FZR1: variants seen among roughly 807,000 people sequenced by gnomAD.
FZR1 encodes fizzy and cell division cycle 20 related 1.
FZR1 carries 11 observed loss-of-function variants against 63.6 expected under a neutral mutation model. The ratio of observed to expected loss-of-function variants is 0.17; its 90% CI spans 0.11 to 0.29. FZR1 has a LOEUF of 0.29. Among genes scored for constraint, FZR1 ranks in the 10% least tolerant of loss-of-function variants. FZR1 has a pLI of 1.00. For missense variants in FZR1, 440 were observed against 687.5 expected (o/e 0.64, Z 4.03); for synonymous variants, 328 against 297.9 (o/e 1.10, Z -1.04).
In FZR1 at chr19:3,523,084, C is replaced by G. The variant is rs370589796; in HGVS notation, c.69+26C>G. On this transcript the variant is annotated intron_variant, in intron 2 of 13. Coordinates refer to ENST00000441788, the MANE Select transcript of FZR1 (RefSeq NM_016263.4). ...GTGAGTGCCCCCGCCCTGCCCACCA[C>G]TGTGGCTCCCCCTCCCCCAGCTGCC... is the stretch of plus-strand genomic sequence containing the variant. 4.3e-6 allele frequency: 6 copies of G among 1,404,002 alleles called. No individual in the cohort carries two copies. In the Admixed American group the frequency reaches 1.0e-4, roughly 23 times the overall value. 87.0% of individuals were successfully genotyped at this position (1,404,002 alleles called of 1,614,324 possible).
At chr19:3,528,424 C>T (rs555589291) in intron 7 of FZR1, among the ~76,000 whole-genome samples, 28 of 152,362 alleles carry the variant, frequency 1.8e-4, no homozygotes, top group African/African-American at 6.0e-4. Flanking sequence ...TAGGCCCTGC[C>T]CTCACCATTT....
rs879323023 is a variant in FZR1, at chr19:3,515,958, C to T, written c.-34-6998C>T. Reference sequence around the variant, plus strand: ...GTGCAGTGGGTCTCACAGCCTCTTCCGCTCCCTGTCTGATGGCCTCTTGCG... The same window carrying T: ...GTGCAGTGGGTCTCACAGCCTCTTCTGCTCCCTGTCTGATGGCCTCTTGCG... On this transcript the variant is annotated intron_variant, in intron 1 of 13. Transcript: ENST00000441788. This position sits in a 1 kb window ranked among gnomAD's most constrained non-coding sequence, Gnocchi z 4.6. 5.3e-5 allele frequency among the ~76,000 whole-genome samples: 8 copies of T among 152,114 alleles called. No individual in the cohort carries two copies. The highest frequency in any genetic ancestry group is 1.0e-4 in the Non-Finnish European group (7 of 68,024).
At chr19:3,531,664 T>C in intron 8 of FZR1, 50 bp from the exon 9 acceptor site, 1 of 1,333,244 alleles carries the variant, frequency 7.5e-7, no homozygotes, top group Non-Finnish European at 1.0e-6. Flanking sequence ...ACGGGCACAG[T>C]CCCCGGGCCA....
Position 3,533,246 on chromosome 19 carries a change from C to T in FZR1, c.1243-48C>T, listed in dbSNP as rs1599794593. The T allele has an allele frequency of 8.6e-7, 1 of 1,164,226 alleles. No homozygotes were observed. Among genetic ancestry groups the T allele is most frequent in the South Asian group, 1.2e-5 (1 of 82,026 alleles). 72.1% of individuals were successfully genotyped at this position (1,164,226 alleles called of 1,614,324 possible). A position where few individuals can be genotyped will look rare whatever the true frequency, so the allele number is the denominator to read the frequency against. ...GCATGTGAGGCAGCAGGCATAGCAC[C>T]CGGCCTCGTTGCCCCTCACCGACCG... On this transcript the variant is annotated intron_variant, in intron 11 of 13. Transcript: ENST00000441788. This position sits in a 1 kb window ranked among gnomAD's most constrained non-coding sequence, Gnocchi z 4.9.
rs1194945119 is a variant in FZR1, at chr19:3,525,688, C to T, written c.70-180C>T. On this transcript the variant is annotated intron_variant, in intron 2 of 13. Coordinates refer to ENST00000441788, the MANE Select transcript of FZR1 (RefSeq NM_016263.4). The surrounding 1 kb of genome is among the most constrained non-coding windows in gnomAD (Gnocchi z 4.2). Reference sequence around the variant, plus strand: ...TGATCTCCTGACCTCGTGATCCGCCCGCCTCGGCCTCCCAAAGTGCTGGGA... The same window carrying T: ...TGATCTCCTGACCTCGTGATCCGCCTGCCTCGGCCTCCCAAAGTGCTGGGA... Among the ~76,000 whole-genome samples, 4 of 152,082 alleles carry T rather than the reference C, an allele frequency of 2.6e-5. No individual in the cohort carries two copies. The highest frequency in any genetic ancestry group is 2.1e-4 in the South Asian group (1 of 4,834).
rs1459523573 is a variant in FZR1 at position 3,525,399 on chromosome 19, C to T, written c.70-469C>T. ...AGAAATCCCTGACCATGAGTGACCA[C>T]GAGTGACTGTGTGGCTCCCCTCCTT... On this transcript the variant is annotated intron_variant, in intron 2 of 13. Coordinates refer to ENST00000441788, the MANE Select transcript of FZR1 (RefSeq NM_016263.4). The surrounding 1 kb of genome is among the most constrained non-coding windows in gnomAD (Gnocchi z 4.2). Among the ~76,000 whole-genome samples the T allele has an allele frequency of 4.7e-5, 7 of 148,812 alleles. No individual in the cohort carries two copies. The highest frequency in any genetic ancestry group is 6.8e-5 in the Admixed American group (1 of 14,812).
At position 3,534,227 on chromosome 19, in the gene FZR1, T is replaced by TAAA. The variant is rs3040391; in HGVS notation, c.1348-176_1348-174dup. 2,133 of 282,564 alleles carry TAAA rather than the reference T, an allele frequency of 7.5e-3. 41 individuals carry two copies. The highest frequency in any genetic ancestry group is 0.047 in the African/African-American group (1,279 of 27,450). 17.5% of individuals were successfully genotyped at this position (282,564 alleles called of 1,614,324 possible). A position where few individuals can be genotyped will look rare whatever the true frequency, so the allele number is the denominator to read the frequency against. On this transcript the variant is annotated intron_variant, in intron 12 of 13. Coordinates refer to ENST00000441788, the MANE Select transcript of FZR1 (RefSeq NM_016263.4). Reference sequence around the variant, plus strand: ...ACAGAGCCAGACCCCGTCTTAAAATTAAAAAAAAAAAAAAAAAAAAGGCTC... The same window carrying TAAA: ...ACAGAGCCAGACCCCGTCTTAAAATTAAAAAAAAAAAAAAAAAAAAAAAGGCTC...
At chr19:3,522,812 T>G (rs1328449320) in intron 1 of FZR1, 144 bp from the exon 2 acceptor site, 3 of 624,666 alleles carry the variant, frequency 4.8e-6, no homozygotes, top group Admixed American at 5.2e-5. Flanking sequence ...AGGATGAGGC[T>G]AGGGCTGGCA....
At chr19:3,521,836 T>G (rs1175115718) in intron 1 of FZR1, among the ~76,000 whole-genome samples, 2 of 151,024 alleles carry the variant, frequency 1.3e-5, no homozygotes, top group Non-Finnish European at 2.9e-5. Flanking sequence ...GATGGTAAAC[T>G]TTAGGTAAAT....
At chr19:3,511,744 C>G (rs778758874) in intron 1 of FZR1, among the ~76,000 whole-genome samples, 1 of 152,128 alleles carries the variant, frequency 6.6e-6, no homozygotes, top group African/African-American at 2.4e-5. Context: ...GCCCAGGCAC[C>G]GGCCTCCAAC....
rs1231086900 is a variant in FZR1, at chr19:3,532,445, G to A, written c.1037G>A (p.Ser346Asn). 1 of 1,594,614 alleles carries A rather than the reference G, an allele frequency of 6.3e-7. No individual in the cohort carries two copies. The highest frequency in any genetic ancestry group is 1.7e-5 in the Admixed American group (1 of 57,238). Residue 346 changes from serine (S) to asparagine (N), a missense_variant, in exon 11 of 14, where the codon AGC becomes AAC. By Grantham distance (46) the Ser-to-Asn change is conservative (BLOSUM62 1). Coordinates refer to ENST00000441788, the MANE Select transcript of FZR1 (RefSeq NM_016263.4). ...CTGGTCTGGAATCACTCGAGCCTGAGCCCCGTGCAGCAGTACACGGAGCAC... is the reference window on the plus strand; with the variant it reads ...CTGGTCTGGAATCACTCGAGCCTGAACCCCGTGCAGCAGTACACGGAGCAC... ...KLLVWNHSSL[S>N]PVQQYTEHLA...
Position 3,533,285 on chromosome 19 carries a change from GCCC to G in FZR1, c.1243-8_1243-6del. On this transcript the variant is annotated splice_region_variant and splice_polypyrimidine_tract_variant and intron_variant, in intron 11 of 13. Transcript: ENST00000441788. This position sits in a 1 kb window ranked among gnomAD's most constrained non-coding sequence, Gnocchi z 4.9. ...CCTCACCGACCGCAGCGCCCCCTCC[GCCC>G]TCCAGGTGAGCACGCACGGCTACTC... The G allele has an allele frequency of 6.3e-7, 1 of 1,579,518 alleles. No homozygotes were observed. Among genetic ancestry groups the G allele is most frequent in the Non-Finnish European group, 8.7e-7 (1 of 1,149,968 alleles).
rs1411134766 is a variant in FZR1 at position 3,528,819 on chromosome 19, G to A, written c.654+1005G>A. Among the ~76,000 whole-genome samples, 4 of 133,160 alleles carry A rather than the reference G, an allele frequency of 3.0e-5. 1 individual carries two copies. Among genetic ancestry groups the A allele is most frequent in the African/African-American group, 5.8e-5 (2 of 34,594 alleles). 87.4% of individuals were successfully genotyped at this position (133,160 alleles called of 152,430 possible). On this transcript the variant is annotated intron_variant, in intron 7 of 13. Transcript: ENST00000441788. The stretch of plus-strand genomic sequence containing the variant: ...AGTGGATGGGTACGTGGATGGGTGA[G>A]TGGATGGGAGAATGGATGAGAGAGT...
chr19:3,520,305 T>C (rs2083090186), intron 1 of FZR1, among the ~76,000 whole-genome samples: 1 of 152,030 alleles, frequency 6.6e-6, no homozygotes, highest in African/African-American at 2.4e-5. Context: ...GGGAGGAGGC[T>C]GGTGACATGA....
At position 3,516,603 on chromosome 19, in the gene FZR1, G is replaced by A. The variant is rs1323396289; in HGVS notation, c.-34-6353G>A. On this transcript the variant is annotated intron_variant, in intron 1 of 13. Coordinates refer to ENST00000441788, the MANE Select transcript of FZR1 (RefSeq NM_016263.4). The surrounding 1 kb of genome is among the most constrained non-coding windows in gnomAD (Gnocchi z 6.0). The stretch of plus-strand genomic sequence containing the variant: ...GTGTCCAGGTGAGGTGCCCCGGGAG[G>A]CCCCAGGCCCGGGATACAGGACCCT... Among the ~76,000 whole-genome samples, 1 of 152,130 alleles carries A rather than the reference G, an allele frequency of 6.6e-6. No individual in the cohort carries two copies. Among genetic ancestry groups the A allele is most frequent in the Non-Finnish European group, 1.5e-5 (1 of 68,004 alleles).
rs1302500321 is a variant in FZR1 at position 3,526,799 on chromosome 19, G to A, written c.388-181G>A. 1.3e-5 allele frequency among the ~76,000 whole-genome samples: 2 copies of A among 152,180 alleles called. No individual in the cohort carries two copies. Among genetic ancestry groups the A allele is most frequent in the Admixed American group, 6.5e-5 (1 of 15,290 alleles). ...GGCTTGGGTCCCTCGAGAGAGGGCG[G>A]GAGGGGTGGGGGGTCCGCAGTCCCC... On this transcript the variant is annotated intron_variant, in intron 5 of 13. Coordinates refer to ENST00000441788, the MANE Select transcript of FZR1 (RefSeq NM_016263.4). The surrounding 1 kb of genome is among the most constrained non-coding windows in gnomAD (Gnocchi z 5.4).
intron 2 of FZR1, among the ~76,000 whole-genome samples, chr19:3,523,855 G>A (rs549604774): frequency 2.0e-5 from 3 of 152,318 alleles, no homozygotes; most frequent in African/African-American, 7.2e-5. Context: ...CCTGGGGCAG[G>A]CTCACCTTCA....
chr19:3,510,960 C>T (rs2083020595), intron 1 of FZR1, among the ~76,000 whole-genome samples: 2 of 152,250 alleles, frequency 1.3e-5, no homozygotes, highest in South Asian at 2.1e-4. Context: ...ATGAACTCCC[C>T]GGACTGGGTT....
rs757060869 is a variant in FZR1 at position 3,534,805 on chromosome 19, C to A, written c.1451C>A (p.Ser484Tyr). 1 of 1,612,996 alleles carries A rather than the reference C, an allele frequency of 6.2e-7. No individual in the cohort carries two copies. The highest frequency in any genetic ancestry group is 8.5e-7 in the Non-Finnish European group (1 of 1,179,730). ...CCCATGTGTCTGCAGGAGTCTGTGTCTGTGCTCAACCTCTTCACCAGGATC... is the reference window on the plus strand; with the variant it reads ...CCCATGTGTCTGCAGGAGTCTGTGTATGTGCTCAACCTCTTCACCAGGATC... Reference protein sequence around the residue: ...SKTRSTKESVSVLNLFTRIR With the variant: ...SKTRSTKESVYVLNLFTRIR The change falls in exon 14 of 14, where the codon TCT becomes TAT. Residue 484 changes from serine (S) to tyrosine (Y), a missense_variant. Transcript: ENST00000441788.
Sources: allele counts gnomAD v4.1 joint callset (sites outside exome capture counted in the v4.1 genomes callset), GRCh38; gene constraint gnomAD v4.1.1; non-coding constraint Gnocchi (gnomAD v3.1); transcripts MANE v1.5; gene names NCBI Gene and HGNC (gene_info 2026-07-23, HGNC 2026-07-21).